KCNJ18: variants seen among roughly 807,000 people sequenced by gnomAD.
KCNJ18 encodes potassium inwardly rectifying channel subfamily J member 18.
In KCNJ18, 16 loss-of-function variants were observed where a neutral mutation model predicts 17.3. That is an observed-to-expected ratio of 0.92 (90% CI 0.62 to 1.40). KCNJ18 has a LOEUF of 1.40. KCNJ18 is among the 40% of genes most tolerant of loss of function. The pLI, the probability that KCNJ18 is intolerant of heterozygous loss-of-function variation, is 0.00. For synonymous variants in KCNJ18, 185 were observed against 262.6 expected (o/e 0.70, Z 2.86); for missense variants, 462 against 626.8 (o/e 0.74, Z 2.81).
At chr17:21,701,763 T>C (rs1307335910) in intron 2 of KCNJ18, among the ~76,000 whole-genome samples, 1 of 152,244 alleles carries the variant, frequency 6.6e-6, no homozygotes, top group South Asian at 2.1e-4. Context: ...ATACAAAAGT[T>C]AGCTGGATGT....
chr17:21,704,423 T>C lies in KCNJ18; in HGVS notation c.*335T>C, dbSNP rs1906097073. 4 of 296,014 alleles carry C rather than the reference T, an allele frequency of 1.4e-5. No homozygotes were observed. The highest frequency in any genetic ancestry group is 2.2e-5 in the African/African-American group (1 of 46,216). The allele number at this position is 296,014 out of a possible 1,614,324, so 18.3% of individuals were successfully genotyped here. A position where few individuals can be genotyped will look rare whatever the true frequency, so the allele number is the denominator to read the frequency against. On this transcript the variant is annotated 3_prime_UTR_variant, in exon 3 of 3. Coordinates refer to ENST00000567955, the MANE Select transcript of KCNJ18 (RefSeq NM_001194958.2). ...GCTCGATGGTGGGCCCAGCCTCTGC[T>C]GTCCAAGGCTGGCTAGCTGCGGTGC...
At chr17:21,701,942 A>AAAT in intron 2 of KCNJ18, among the ~76,000 whole-genome samples, 1 of 5,814 alleles carries the variant, frequency 1.7e-4, no homozygotes, top group African/African-American at 6.3e-4. Flanking sequence ...AAAGAAAAGA[A>AAAT]AAAAAAAGAA....
At chr17:21,699,220 C>G (rs1412890903) in intron 2 of KCNJ18, among the ~76,000 whole-genome samples, 12 of 152,208 alleles carry the variant, frequency 7.9e-5, no homozygotes, top group African/African-American at 2.9e-4. Context: ...TGTATGCACC[C>G]CATTGAGCAA....
Position 21,703,358 on chromosome 17 carries a change from C to T in KCNJ18, c.572C>T (p.Ala191Val). The T allele has an allele frequency of 1.2e-6, 2 of 1,607,506 alleles. No homozygotes were observed. The highest frequency in any genetic ancestry group is 8.5e-7 in the Non-Finnish European group (1 of 1,177,386). ...AAGATGGCAAGGCCCAAGAAGCGGG[C>T]ACAGACGCTGCTGTTCAGCCACAAC... ...MAKMARPKKR[A>V]QTLLFSHNAV... Residue 191 changes from alanine to valine, a missense_variant, in exon 3 of 3, where the codon GCA becomes GTA. Transcript: ENST00000567955.
chr17:21,699,394 G>C (rs1436069881), intron 2 of KCNJ18, among the ~76,000 whole-genome samples: 1 of 152,176 alleles, frequency 6.6e-6, no homozygotes, highest in African/African-American at 2.4e-5. Flanking sequence ...TTCTATGCCA[G>C]GGTCCCCTTC....
intron 2 of KCNJ18, among the ~76,000 whole-genome samples, chr17:21,701,414 C>T (rs1905945545): frequency 6.6e-6 from 1 of 152,292 alleles, no homozygotes; most frequent in African/African-American, 2.4e-5. Flanking sequence ...ATGCGGGAAG[C>T]AGGGGCTGGG....
chr17:21,697,931 C>T (rs1450587268), intron 2 of KCNJ18, among the ~76,000 whole-genome samples: 272 of 152,364 alleles, frequency 1.8e-3, no homozygotes, highest in Middle Eastern at 6.8e-3. Context: ...GCACCTTGGG[C>T]GGGGAGGCGT....
intron 2 of KCNJ18, among the ~76,000 whole-genome samples, chr17:21,702,064 G>A (rs1184037745): frequency 2.0e-5 from 3 of 152,290 alleles, no homozygotes; most frequent in African/African-American, 7.2e-5. Flanking sequence ...GGGCAGTGCT[G>A]TGGATATAGC....
rs1195865456 is a variant in KCNJ18, at chr17:21,702,904, C to T, written c.118C>T (p.Arg40Cys). 2.0e-5 allele frequency: 32 copies of T among 1,595,328 alleles called. No individual in the cohort carries two copies. In the Middle Eastern group the frequency reaches 4.9e-4, roughly 25 times the overall value. Residue 40 changes from arginine to cysteine, a missense_variant, in exon 3 of 3, where the codon CGC (arginine) becomes TGC (cysteine). Transcript: ENST00000567955. ...CGGCAACGGCAAGGTGCACACGCGG[C>T]GCAGGTGCCGCAACCGCTTCGTCAA... ...GFGNGKVHTRRRCRNRFVKKN... is the reference protein window; with the variant it reads ...GFGNGKVHTRCRCRNRFVKKN...
At chr17:21,698,301 T>G (rs1905831661) in intron 2 of KCNJ18, among the ~76,000 whole-genome samples, 1 of 151,970 alleles carries the variant, frequency 6.6e-6, no homozygotes, top group Non-Finnish European at 1.5e-5. Flanking sequence ...TCTGCTCATC[T>G]GGAAAATGGG....
At chr17:21,699,249 T>G (rs1905859603) in intron 2 of KCNJ18, among the ~76,000 whole-genome samples, 1 of 152,218 alleles carries the variant, frequency 6.6e-6, no homozygotes, top group Non-Finnish European at 1.5e-5. Context: ...AAGGCCTGTG[T>G]GTCCCTGGTG....
chr17:21,693,290 C>T (rs1905657655), intron 1 of KCNJ18, among the ~76,000 whole-genome samples: 1 of 152,276 alleles, frequency 6.6e-6, no homozygotes, highest in Admixed American at 6.5e-5. Context: ...GTCTCAGTAC[C>T]CCTGTGTAGA....
intron 1 of KCNJ18, among the ~76,000 whole-genome samples, chr17:21,693,963 G>A (rs1322349822): frequency 6.6e-6 from 1 of 152,180 alleles, no homozygotes; most frequent in Non-Finnish European, 1.5e-5. Context: ...GACTTGGAGG[G>A]TGAAGAGGGA....
intron 2 of KCNJ18, among the ~76,000 whole-genome samples, chr17:21,698,651 A>C (rs2142268966): frequency 6.6e-6 from 1 of 152,222 alleles, no homozygotes; most frequent in African/African-American, 2.4e-5. Flanking sequence ...GGCAGTGGGC[A>C]TGGGGCATCC....
intron 2 of KCNJ18, among the ~76,000 whole-genome samples, chr17:21,701,254 G>T (rs1905939237): frequency 6.6e-6 from 1 of 152,300 alleles, no homozygotes; most frequent in Non-Finnish European, 1.5e-5. Context: ...ATGCCCTGCT[G>T]CGGGGCCTGT....
intron 2 of KCNJ18, among the ~76,000 whole-genome samples, chr17:21,701,582 C>T (rs1278876298): frequency 6.6e-6 from 1 of 152,158 alleles, no homozygotes; most frequent in East Asian, 1.9e-4. Flanking sequence ...TGGGTGGCGA[C>T]AGGGGTGGCA....
chr17:21,695,859 T>G (rs1468426482), intron 1 of KCNJ18, 124 bp from the exon 2 acceptor site: 1 of 152,034 alleles, frequency 6.6e-6, no homozygotes, highest in Admixed American at 6.6e-5. Context: ...GGCCCTTCCA[T>G]CTCCTGTGGG....
chr17:21,695,247 C>G (rs1905725907), intron 1 of KCNJ18, among the ~76,000 whole-genome samples: 2 of 23,942 alleles, frequency 8.4e-5, no homozygotes, highest in African/African-American at 2.9e-4. Context: ...ATCCATTCAT[C>G]CACTCATCCA....
intron 1 of KCNJ18, among the ~76,000 whole-genome samples, chr17:21,694,190 T>C (rs1905688382): frequency 2.0e-5 from 3 of 152,034 alleles, no homozygotes; most frequent in Admixed American, 6.6e-5. Context: ...AAAACCAGTG[T>C]GACAAACCAG....
Sources: gnomAD v4.1 joint callset for allele counts (sites outside exome capture counted in the v4.1 genomes callset) on GRCh38, gnomAD v4.1.1 for gene constraint, MANE v1.5 for transcripts, NCBI Gene and HGNC (gene_info 2026-07-23, HGNC 2026-07-21) for gene names.